OTUD7A: variants seen among roughly 807,000 people sequenced by gnomAD.
The protein encoded by OTUD7A is OTU deubiquitinase 7A, also known as OTU domain-containing protein 7A.
In OTUD7A, 12 loss-of-function variants were observed where a neutral mutation model predicts 65.7. The ratio of observed to expected loss-of-function variants is 0.18; its 90% CI spans 0.12 to 0.30. OTUD7A has a LOEUF of 0.30. Ranked by LOEUF, OTUD7A falls within the 10% of genes least tolerant of loss-of-function variation. The pLI is 1.00. For synonymous variants in OTUD7A, 641 were observed against 586.3 expected (o/e 1.09, Z -1.35); for missense variants, 1,148 against 1,304.8 (o/e 0.88, Z 1.85).
At chr15:31,802,219 G>A (rs920746536) in intron 1 of OTUD7A, among the ~76,000 whole-genome samples, 1 of 151,714 alleles carries the variant, frequency 6.6e-6, no homozygotes, top group Non-Finnish European at 1.5e-5. Flanking sequence ...GCCGTCTGCA[G>A]GCTGTGGGGC....
At chr15:31,676,978 G>A (rs1892608386) in intron 1 of OTUD7A, among the ~76,000 whole-genome samples, 1 of 152,246 alleles carries the variant, frequency 6.6e-6, no homozygotes, top group Non-Finnish European at 1.5e-5. Context: ...GACCCTGCCT[G>A]ATGTTGACCA....
chr15:31,483,595 G>C lies in OTUD7A; in HGVS notation c.2501C>G (p.Ala834Gly). ...LRTVNTVESLARAVPGALPGA... is the reference protein window; with the variant it reads ...LRTVNTVESLGRAVPGALPGA... ...CGGTAGGGCCCCGGGCACCGCGCGC[G>C]CCAGCGACTCGACCGTGTTGACGGT... Residue 834 changes from alanine (A) to glycine (G), a missense_variant, in exon 13 of 13, where the codon GCG becomes GGG. Transcript: ENST00000307050. The C allele has an allele frequency of 8.1e-7, 1 of 1,228,280 alleles. No individual in the cohort carries two copies. Among genetic ancestry groups the C allele is most frequent in the Non-Finnish European group, 1.0e-6 (1 of 988,352 alleles). 76.1% of individuals were successfully genotyped at this position (1,228,280 alleles called of 1,614,324 possible).
rs115963032 is a variant in OTUD7A at position 31,853,207 on chromosome 15, A to G, written c.-100+17300T>C. 5.0e-3 allele frequency among the ~76,000 whole-genome samples: 755 copies of G among 152,350 alleles called. 5 individuals carry two copies. The highest frequency in any genetic ancestry group is 0.016 in the African/African-American group (668 of 41,588). Reference sequence around the variant, plus strand: ...ACAATGCTCAGCATCCGTGCAAAACAGTGACCTATTTCTCAAAGCACAAGA... The same window carrying G: ...ACAATGCTCAGCATCCGTGCAAAACGGTGACCTATTTCTCAAAGCACAAGA... On this transcript the variant is annotated intron_variant, in intron 1 of 12. Coordinates refer to ENST00000307050, the MANE Select transcript of OTUD7A (RefSeq NM_001382637.1).
At chr15:31,511,026 TCTATATGTAACATAC>T (rs1566892609) in intron 8 of OTUD7A, among the ~76,000 whole-genome samples, 2 of 51,360 alleles carry the variant, frequency 3.9e-5, no homozygotes, top group South Asian at 4.2e-4. Context: ...TACATGTATA[TCTATATGTAACATAC>T]ATGTATATCT....
intron 4 of OTUD7A, among the ~76,000 whole-genome samples, 161 bp downstream of exon 4, chr15:31,569,857 A>G (rs1184380308): frequency 6.6e-6 from 1 of 152,216 alleles, no homozygotes; most frequent in Non-Finnish European, 1.5e-5. Flanking sequence ...AGAAGCAACA[A>G]AGGACATTTC....
intron 1 of OTUD7A, among the ~76,000 whole-genome samples, chr15:31,813,828 C>T (rs1896481708): frequency 6.6e-6 from 1 of 152,216 alleles, no homozygotes; most frequent in South Asian, 2.1e-4. Flanking sequence ...TATCCAGGCC[C>T]AATTCCTGCC....
intron 1 of OTUD7A, among the ~76,000 whole-genome samples, chr15:31,714,757 AGTTT>A (rs1244636353): frequency 2.6e-5 from 4 of 152,186 alleles, no homozygotes; most frequent in African/African-American, 4.8e-5. Context: ...CAGTTCATTT[AGTTT>A]AAGTATTTTT....
intron 5 of OTUD7A, among the ~76,000 whole-genome samples, chr15:31,550,649 C>G (rs1385016206): frequency 6.6e-6 from 1 of 152,130 alleles, no homozygotes; most frequent in African/African-American, 2.4e-5. Context: ...AGTCTCAGAC[C>G]CAGCTAAAGC....
At chr15:31,757,742 CA>C (rs1894855676) in intron 1 of OTUD7A, among the ~76,000 whole-genome samples, 1 of 152,214 alleles carries the variant, frequency 6.6e-6, no homozygotes. Flanking sequence ...TTCATCTGGA[CA>C]AAGCAGTTTA....
chr15:31,805,128 G>C (rs557986836), intron 1 of OTUD7A, among the ~76,000 whole-genome samples: 37 of 152,208 alleles, frequency 2.4e-4, no homozygotes, highest in Admixed American at 5.2e-4. Flanking sequence ...AGAGGCAACA[G>C]GTCGGGTGAG....
At chr15:31,826,274 T>C (rs1315401103) in intron 1 of OTUD7A, among the ~76,000 whole-genome samples, 1 of 152,254 alleles carries the variant, frequency 6.6e-6, no homozygotes, top group Non-Finnish European at 1.5e-5. Flanking sequence ...TTTTGAAATC[T>C]AGGTGGAGGT....
At chr15:31,860,677 G>GTGTATATATATATATATATATA (rs560896384) in intron 1 of OTUD7A, among the ~76,000 whole-genome samples, 2,332 of 73,210 alleles carry the variant, frequency 0.032, 219 homozygotes, top group Non-Finnish European at 0.044. Flanking sequence ...ATGTATGTGT[G>GTGTATATATATATATATATATA]TATATATATA....
chr15:31,569,011 C>A (rs184138164), intron 4 of OTUD7A, among the ~76,000 whole-genome samples: 40 of 152,306 alleles, frequency 2.6e-4, no homozygotes, highest in Admixed American at 1.9e-3. Context: ...TTAGGTATTT[C>A]TTTACAGCAG....
At chr15:31,658,143 CTCA>C (rs1256973995) in intron 1 of OTUD7A, among the ~76,000 whole-genome samples, 1 of 152,116 alleles carries the variant, frequency 6.6e-6, no homozygotes, top group Non-Finnish European at 1.5e-5. Context: ...CCTCAGTTTC[CTCA>C]TCAATACAAT....
chr15:31,568,297 A>AACTTTGG (rs1303658278), intron 4 of OTUD7A, among the ~76,000 whole-genome samples: 3 of 152,178 alleles, frequency 2.0e-5, no homozygotes, highest in Admixed American at 2.0e-4. Context: ...GAGTCAAAGG[A>AACTTTGG]GATTATTTTG....
At chr15:31,850,655 TG>T (rs1458175208) in intron 1 of OTUD7A, among the ~76,000 whole-genome samples, 2 of 152,162 alleles carry the variant, frequency 1.3e-5, no homozygotes, top group Non-Finnish European at 2.9e-5. Flanking sequence ...ACCACAACCC[TG>T]ATGCATACAA....
intron 1 of OTUD7A, among the ~76,000 whole-genome samples, chr15:31,865,562 C>T (rs1309307697): frequency 2.0e-5 from 3 of 152,136 alleles, no homozygotes; most frequent in Non-Finnish European, 4.4e-5. Flanking sequence ...AAAATGTGAG[C>T]GCAGAAATTA....
chr15:31,497,724 T>C (rs1006526944), intron 10 of OTUD7A, among the ~76,000 whole-genome samples: 1 of 152,116 alleles, frequency 6.6e-6, no homozygotes. Flanking sequence ...GAGCCTCTTC[T>C]CTTGGAGATG....
At chr15:31,827,055 A>C (rs1896814372) in intron 1 of OTUD7A, among the ~76,000 whole-genome samples, 1 of 152,188 alleles carries the variant, frequency 6.6e-6, no homozygotes, top group Non-Finnish European at 1.5e-5. Context: ...AAACTGTTCC[A>C]ACCCCTGCCT....
Sources: allele counts gnomAD v4.1 joint callset (sites outside exome capture counted in the v4.1 genomes callset), GRCh38; gene constraint gnomAD v4.1.1; transcripts MANE v1.5; gene names NCBI Gene and HGNC (gene_info 2026-07-23, HGNC 2026-07-21).